The following DOK5 variants were observed in gnomAD, a reference collection of about 807,000 sequenced individuals.
The protein encoded by DOK5 is downstream of tyrosine kinase 5.
DOK5 carries 27 observed loss-of-function variants against 43.3 expected under a neutral mutation model. The observed-to-expected ratio is 0.62, with a 90% CI of 0.46 to 0.86. DOK5 has a LOEUF of 0.86. Among genes scored for constraint, DOK5 ranks in the 40% least tolerant of loss-of-function variants. The probability of loss-of-function intolerance (pLI) is 0.00; values close to 1 mark genes in which losing one functional copy is unlikely to be tolerated. For synonymous variants in DOK5, 146 were observed against 140.1 expected, an observed-to-expected ratio of 1.04 and a Z score of -0.30; for missense variants, 373 against 392.9, an observed-to-expected ratio of 0.95 and a Z score of 0.43.
chr20:54,644,831 G>A (rs1202842930), intron 7 of DOK5, among the ~76,000 whole-genome samples: 4 of 150,502 alleles, frequency 2.7e-5, no homozygotes, highest in African/African-American at 9.8e-5. Context: ...TTGCACCATT[G>A]CACTCCAGCC....
chr20:54,622,002 T>G (rs1986987392), intron 6 of DOK5, among the ~76,000 whole-genome samples: 1 of 152,086 alleles, frequency 6.6e-6, no homozygotes, highest in Admixed American at 6.5e-5. Context: ...AAGACCATCT[T>G]GACCAATATG....
chr20:54,650,206 C>T (rs1199927156), intron 7 of DOK5, among the ~76,000 whole-genome samples: 1 of 152,184 alleles, frequency 6.6e-6, no homozygotes, highest in Non-Finnish European at 1.5e-5. Context: ...AATGGACTGA[C>T]CATGGCTCAG....
At chr20:54,481,555 A>G (rs1981719394) in intron 1 of DOK5, among the ~76,000 whole-genome samples, 3 of 151,262 alleles carry the variant, frequency 2.0e-5, no homozygotes, top group Admixed American at 1.3e-4. Context: ...CCTCTCCTTC[A>G]TTTATCTTTG....
intron 1 of DOK5, among the ~76,000 whole-genome samples, chr20:54,490,916 A>C (rs1982147803): frequency 6.6e-6 from 1 of 152,126 alleles, no homozygotes. Flanking sequence ...AGCTCTGGCT[A>C]TAGCATCTAC....
At chr20:54,638,403 C>T (rs992251803) in intron 6 of DOK5, among the ~76,000 whole-genome samples, 1 of 151,950 alleles carries the variant, frequency 6.6e-6, no homozygotes, top group African/African-American at 2.4e-5. Flanking sequence ...CTTGGAAATG[C>T]CTGGGCTGAA....
intron 1 of DOK5, among the ~76,000 whole-genome samples, chr20:54,491,577 T>C (rs911701130): frequency 1.3e-5 from 2 of 152,106 alleles, no homozygotes; most frequent in South Asian, 2.1e-4. Flanking sequence ...GAGCAGACCA[T>C]GTCACTGAAC....
rs139398321 is a variant in DOK5, at chr20:54,492,385, CA to C, written c.66+16378del. The stretch of plus-strand genomic sequence containing the variant: ...TTTTAACGTATGTTGAAACACTTTT[CA>C]AAAATTTTTATGAATGGTCAATATT... On this transcript the variant is annotated intron_variant, in intron 1 of 7. Transcript: ENST00000262593. Among the ~76,000 whole-genome samples the C allele has an allele frequency of 8.3e-3, 1,262 of 152,152 alleles. 29 individuals carry two copies. The highest frequency in any genetic ancestry group is 0.029 in the African/African-American group (1,201 of 41,506).
chr20:54,634,278 A>C (rs1600754971), intron 6 of DOK5, among the ~76,000 whole-genome samples: 1 of 106,918 alleles, frequency 9.4e-6, no homozygotes, highest in South Asian at 3.0e-4. Context: ...AGTTTTTACA[A>C]GGCTTTTACT....
At chr20:54,572,386 TCTC>T (rs1439559396) in intron 2 of DOK5, among the ~76,000 whole-genome samples, 1 of 152,000 alleles carries the variant, frequency 6.6e-6, no homozygotes, top group Admixed American at 6.6e-5. Context: ...ATGGTCTCGA[TCTC>T]CTGACCTCGT....
chr20:54,519,526 C>T (rs1049518671), intron 1 of DOK5, among the ~76,000 whole-genome samples: 1 of 152,024 alleles, frequency 6.6e-6, no homozygotes, highest in Admixed American at 6.6e-5. Context: ...TGAGGGAATG[C>T]CAAGATTTTT....
intron 1 of DOK5, among the ~76,000 whole-genome samples, chr20:54,539,721 G>A (rs1984084274): frequency 6.6e-6 from 1 of 152,142 alleles, no homozygotes; most frequent in African/African-American, 2.4e-5. Context: ...CCCAGGACTT[G>A]ACTGCTCATG....
intron 7 of DOK5, among the ~76,000 whole-genome samples, chr20:54,649,951 C>G (rs1235870827): frequency 6.6e-6 from 1 of 152,168 alleles, no homozygotes. Flanking sequence ...GCCTTCTTGA[C>G]TTTTTAAACT....
chr20:54,563,682 T>G (rs1227720804), intron 2 of DOK5, among the ~76,000 whole-genome samples: 3 of 151,094 alleles, frequency 2.0e-5, no homozygotes, highest in Non-Finnish European at 4.4e-5. Context: ...TTTTTTTTTT[T>G]TTTTACTTTC....
chr20:54,569,058 A>G (rs182960135), intron 2 of DOK5, among the ~76,000 whole-genome samples: 1 of 151,904 alleles, frequency 6.6e-6, no homozygotes, highest in East Asian at 1.9e-4. Flanking sequence ...TAATAGTTTA[A>G]TGTGCATTTT....
At chr20:54,631,296 C>G (rs1978554730) in intron 6 of DOK5, among the ~76,000 whole-genome samples, 2 of 152,118 alleles carry the variant, frequency 1.3e-5, no homozygotes, top group South Asian at 4.2e-4. Context: ...GCCTGTAGTC[C>G]CAGCTACTTG....
chr20:54,627,813 A>T (rs1357960175), intron 6 of DOK5, among the ~76,000 whole-genome samples: 1 of 152,246 alleles, frequency 6.6e-6, no homozygotes, highest in African/African-American at 2.4e-5. Flanking sequence ...TGAGGTCGCT[A>T]GACCAGGTAA....
intron 1 of DOK5, among the ~76,000 whole-genome samples, chr20:54,510,424 C>G (rs535897529): frequency 9.9e-5 from 15 of 152,054 alleles, no homozygotes; most frequent in African/African-American, 3.6e-4. Flanking sequence ...GAGAAGAAAA[C>G]CATTTTATGT....
chr20:54,503,108 T>C (rs1982672502), intron 1 of DOK5, among the ~76,000 whole-genome samples: 1 of 152,174 alleles, frequency 6.6e-6, no homozygotes, highest in African/African-American at 2.4e-5. Context: ...ATAATGCATT[T>C]AGTTGTAAGT....
At chr20:54,625,260 A>G (rs984084401) in intron 6 of DOK5, among the ~76,000 whole-genome samples, 1 of 152,112 alleles carries the variant, frequency 6.6e-6, no homozygotes, top group Non-Finnish European at 1.5e-5. Context: ...GGAAGACCAC[A>G]TGTTTGGCAG....
Sources: allele counts gnomAD v4.1 joint callset (sites outside exome capture counted in the v4.1 genomes callset), GRCh38; gene constraint gnomAD v4.1.1; transcripts MANE v1.5; gene names NCBI Gene and HGNC (gene_info 2026-07-23, HGNC 2026-07-21).